Variants in CCDC66 observed in about 807,000 individuals in gnomAD.
CCDC66 encodes coiled-coil domain containing 66, also known as coiled-coil domain-containing protein 66.
Under a neutral mutation model 128.3 loss-of-function variants are expected in CCDC66, and 133 were observed. The ratio of observed to expected loss-of-function variants is 1.04; its 90% confidence interval spans 0.90 to 1.20. The LOEUF is 1.20. Among genes scored for constraint, CCDC66 ranks in the 50% most tolerant of loss-of-function variants. The probability of loss-of-function intolerance (pLI) is 0.00; values close to 1 mark genes in which losing one functional copy is unlikely to be tolerated. For synonymous variants in CCDC66, 387 were observed against 357.0 expected (o/e 1.08, Z -0.95); for missense variants, 1,126 against 1,075.5 (o/e 1.05, Z -0.66).
chr3:56,591,906 T>A (rs1222540006), intron 7 of CCDC66, among the ~76,000 whole-genome samples: 1 of 152,230 alleles, frequency 6.6e-6, no homozygotes, highest in Non-Finnish European at 1.5e-5. Context: ...CAGTTTTTCT[T>A]AATTATGTCT....
At chr3:56,611,577 C>T (rs761590332) in intron 10 of CCDC66, among the ~76,000 whole-genome samples, 49 of 129,198 alleles carry the variant, frequency 3.8e-4, no homozygotes, top group Non-Finnish European at 5.6e-4. Flanking sequence ...CCACCCCCCA[C>T]GCCCAGTTCT....
At position 56,602,622 on chromosome 3, in the gene CCDC66, G is replaced by C. The variant is rs138659424; in HGVS notation, c.1404+8594G>C. 3.7e-4 allele frequency among the ~76,000 whole-genome samples: 56 copies of C among 151,912 alleles called. 1 individual carries two copies. The highest frequency in any genetic ancestry group is 1.3e-3 in the African/African-American group (54 of 41,334). ...GTCTGGTCCTGGACTTCTTTTGGTT[G>C]GTAGGCTATTAATTATTGCCTCAAT... On this transcript the variant is annotated intron_variant, in intron 10 of 17. Coordinates refer to ENST00000394672, the MANE Select transcript of CCDC66 (RefSeq NM_001141947.3).
chr3:56,566,946 T>G lies in CCDC66; in HGVS notation c.711-4T>G. 1.1e-5 allele frequency: 18 copies of G among 1,609,830 alleles called. 1 individual carries two copies. The highest frequency in any genetic ancestry group is 1.5e-5 in the Non-Finnish European group (18 of 1,176,426). On this transcript the variant is annotated splice_region_variant and splice_polypyrimidine_tract_variant and intron_variant, in intron 5 of 17. Transcript: ENST00000394672. ...TTTCTGTTATCTTTTGTGTTTTACCTTAGAGAGAATGAATGGAAACCAGCT... is the reference window on the plus strand; with the variant it reads ...TTTCTGTTATCTTTTGTGTTTTACCGTAGAGAGAATGAATGGAAACCAGCT...
chr3:56,563,838 G>T lies in CCDC66; in HGVS notation c.257G>T (p.Gly86Val), dbSNP rs779707940. 9.6e-6 allele frequency: 15 copies of T among 1,569,536 alleles called. No homozygotes were observed. The Middle Eastern group carries it at 9.9e-4, about 104-fold the overall frequency. The change falls in exon 4 of 18, where the codon GGA (glycine) becomes GTA (valine). Residue 86 changes from glycine (G) to valine (V), a missense_variant. Coordinates refer to ENST00000394672, the MANE Select transcript of CCDC66 (RefSeq NM_001141947.3). ...TCACAGGCAAAAGGTGAAAAAAATG[G>T]AATGACTTTTTCATCCACTAAGGAT... Reference protein sequence around the residue: ...ETSQAKGEKNGMTFSSTKDLC... With the variant: ...ETSQAKGEKNVMTFSSTKDLC...
At chr3:56,605,683 C>G (rs995271697) in intron 10 of CCDC66, among the ~76,000 whole-genome samples, 3 of 152,032 alleles carry the variant, frequency 2.0e-5, no homozygotes, top group African/African-American at 7.3e-5. Flanking sequence ...CCAGCCAGAG[C>G]TCTCCTGTAT....
rs151031131 is a variant in CCDC66 at position 56,604,239 on chromosome 3, G to A, written c.1405-9350G>A. Among the ~76,000 whole-genome samples, 34 of 152,144 alleles carry A rather than the reference G, an allele frequency of 2.2e-4. No individual in the cohort carries two copies. The East Asian group carries it at 6.2e-3, about 28-fold the overall frequency. Reference sequence around the variant, plus strand: ...TCTTGATTCTTTATCCAGTTTGCCAGTCTGTGTCTTTTAATTGGGACATTT... The same window carrying A: ...TCTTGATTCTTTATCCAGTTTGCCAATCTGTGTCTTTTAATTGGGACATTT... On this transcript the variant is annotated intron_variant, in intron 10 of 17. Coordinates refer to ENST00000394672, the MANE Select transcript of CCDC66 (RefSeq NM_001141947.3).
intron 10 of CCDC66, among the ~76,000 whole-genome samples, chr3:56,611,947 C>CT (rs2074889981): frequency 6.6e-6 from 1 of 152,208 alleles, no homozygotes; most frequent in Non-Finnish European, 1.5e-5. Context: ...CTCCCAGCTC[C>CT]TGCAGCAGCA....
At chr3:56,557,538 G>A (rs2064486281) in intron 1 of CCDC66, among the ~76,000 whole-genome samples, 1 of 152,346 alleles carries the variant, frequency 6.6e-6, no homozygotes, top group Admixed American at 6.5e-5. Context: ...GAAGAGAGGT[G>A]AGGAGGAAAG....
chr3:56,590,577 A>G (rs2070700792), intron 7 of CCDC66, among the ~76,000 whole-genome samples: 1 of 151,956 alleles, frequency 6.6e-6, no homozygotes, highest in Non-Finnish European at 1.5e-5. Context: ...GGGCAACAAC[A>G]TGATAAAATC....
chr3:56,578,987 A>T (rs1303847822), intron 7 of CCDC66, among the ~76,000 whole-genome samples: 2 of 151,834 alleles, frequency 1.3e-5, no homozygotes, highest in Non-Finnish European at 1.5e-5. Context: ...AAGGAATGGT[A>T]CCAGCTCCTC....
intron 10 of CCDC66, among the ~76,000 whole-genome samples, chr3:56,608,018 T>C (rs903612162): frequency 6.6e-6 from 1 of 152,216 alleles, no homozygotes; most frequent in African/African-American, 2.4e-5. Flanking sequence ...TTTGATATGT[T>C]GTTAGATTCA....
intron 13 of CCDC66, 33 bp from the exon 14 acceptor site, chr3:56,617,078 CA>C: frequency 6.9e-7 from 1 of 1,442,086 alleles, no homozygotes; most frequent in Non-Finnish European, 9.3e-7. Context: ...ATTTTGTTTA[CA>C]ATTTTTAAAA....
chr3:56,593,240 C>G, intron 8 of CCDC66, 139 bp downstream of exon 8: 1 of 791,038 alleles, frequency 1.3e-6, no homozygotes, highest in Non-Finnish European at 1.9e-6. Context: ...GAACCTGTTT[C>G]ATTGAATGCA....
chr3:56,591,979 G>C, intron 7 of CCDC66, among the ~76,000 whole-genome samples: 1 of 152,152 alleles, frequency 6.6e-6, no homozygotes. Context: ...AAGAATTTGA[G>C]TAGAATATAT....
chr3:56,561,029 C>G, intron 3 of CCDC66: 1 of 438,914 alleles, frequency 2.3e-6, no homozygotes, highest in Non-Finnish European at 4.5e-6. Context: ...ATGATCAGAA[C>G]AATTCCACAA....
intron 9 of CCDC66, 62 bp downstream of exon 9, chr3:56,593,803 T>C (rs925702304): frequency 3.5e-5 from 56 of 1,591,016 alleles, no homozygotes; most frequent in Non-Finnish European, 4.6e-5. Flanking sequence ...AGTAAGACTG[T>C]TGTTATGTCT....
chr3:56,598,448 T>C (rs1195092730), intron 10 of CCDC66, among the ~76,000 whole-genome samples: 1 of 151,990 alleles, frequency 6.6e-6, no homozygotes, highest in Non-Finnish European at 1.5e-5. Context: ...CTTCTGTTGC[T>C]ATGTTGAATA....
At position 56,605,876 on chromosome 3, in the gene CCDC66, C is replaced by T. The variant is rs537711918; in HGVS notation, c.1405-7713C>T. 1.6e-4 allele frequency among the ~76,000 whole-genome samples: 24 copies of T among 152,176 alleles called. 1 individual carries two copies. In the South Asian group the frequency reaches 4.6e-3, roughly 29 times the overall value. Reference sequence around the variant, plus strand: ...TCTGCTGAAGCTGCACCCACAGCCACCCCTTCCCCCTGGTGCTCTGCCTCA... The same window carrying T: ...TCTGCTGAAGCTGCACCCACAGCCATCCCTTCCCCCTGGTGCTCTGCCTCA... On this transcript the variant is annotated intron_variant, in intron 10 of 17. Coordinates refer to ENST00000394672, the MANE Select transcript of CCDC66 (RefSeq NM_001141947.3).
intron 3 of CCDC66, chr3:56,561,416 A>G: frequency 3.7e-5 from 13 of 354,938 alleles, no homozygotes; most frequent in South Asian, 3.0e-4. Flanking sequence ...TGGACTTTTG[A>G]TTACTAGACT....
Sources: allele counts gnomAD v4.1 joint callset (sites outside exome capture counted in the v4.1 genomes callset), GRCh38; gene constraint gnomAD v4.1.1; transcripts MANE v1.5; gene names NCBI Gene and HGNC (gene_info 2026-07-23, HGNC 2026-07-21).